Variants in CACNA1C observed in about 807,000 individuals in gnomAD.
The protein encoded by CACNA1C is voltage-dependent L-type calcium channel subunit alpha-1C.
A neutral mutation model predicts 229.0 loss-of-function variants in CACNA1C; 30 were observed. The observed-to-expected ratio is 0.13, with a 90% CI of 0.10 to 0.18. CACNA1C has a LOEUF of 0.18. Among genes scored for constraint, CACNA1C ranks in the 10% least tolerant of loss-of-function variants. The pLI, the probability that CACNA1C is intolerant of heterozygous loss-of-function variation, is 1.00. For synonymous variants in CACNA1C, 1,114 were observed against 1,132.5 expected, an observed-to-expected ratio of 0.98 and a Z score of 0.33; for missense variants, 1,658 against 2,845.0, an observed-to-expected ratio of 0.58 and a Z score of 9.49.
chr12:2,364,713 G>A (rs186287116), intron 3 of CACNA1C, among the ~76,000 whole-genome samples: 1 of 152,264 alleles, frequency 6.6e-6, no homozygotes, highest in East Asian at 1.9e-4. Flanking sequence ...GTTAGTTGGG[G>A]TGAGGAAATC....
intron 29 of CACNA1C, among the ~76,000 whole-genome samples, chr12:2,621,384 C>T (rs2083152136): frequency 6.6e-6 from 1 of 152,084 alleles, no homozygotes; most frequent in Non-Finnish European, 1.5e-5. Context: ...AGCAAAGACC[C>T]CGAGGCAGGG....
chr12:2,398,309 C>T (rs1234655102), intron 3 of CACNA1C, among the ~76,000 whole-genome samples: 1 of 152,238 alleles, frequency 6.6e-6, no homozygotes, highest in Non-Finnish European at 1.5e-5. Context: ...TTGTATTGAG[C>T]TTTACCTCGT....
rs149306532 is a variant in CACNA1C at position 2,211,623 on chromosome 12, G to A, written c.477+91193G>A. Among the ~76,000 whole-genome samples, 2 of 152,196 alleles carry A rather than the reference G, an allele frequency of 1.3e-5. 1 individual carries two copies. The highest frequency in any genetic ancestry group is 4.8e-5 in the African/African-American group (2 of 41,526). ...TCATGCAGGTTTGGCCTTGCTTGGA[G>A]GTTAGGGCTTGGGGGGACATGAGCA... On this transcript the variant is annotated intron_variant, in intron 3 of 46. Transcript: ENST00000399655.
At chr12:2,074,013 C>T (rs550808868) in intron 1 of CACNA1C, among the ~76,000 whole-genome samples, 8 of 152,066 alleles carry the variant, frequency 5.3e-5, no homozygotes, top group South Asian at 2.1e-4. Flanking sequence ...TGAAGGTAAG[C>T]GGCACCACTG....
At chr12:2,309,047 T>C (rs921624216) in intron 3 of CACNA1C, among the ~76,000 whole-genome samples, 3 of 152,226 alleles carry the variant, frequency 2.0e-5, no homozygotes, top group African/African-American at 7.2e-5. Flanking sequence ...CACCCCCATG[T>C]TCATTGCAGC....
intron 9 of CACNA1C, among the ~76,000 whole-genome samples, chr12:2,546,103 G>A (rs1311455872): frequency 2.1e-5 from 3 of 139,936 alleles, no homozygotes; most frequent in Non-Finnish European, 3.1e-5. Context: ...GTGTCTTCCT[G>A]CTCTCCCATG....
rs1220113170 is a variant in CACNA1C at position 2,339,118 on chromosome 12, TAC to T, written c.478-109854_478-109853del. On this transcript the variant is annotated intron_variant, in intron 3 of 46. Coordinates refer to ENST00000399655, the MANE Select transcript of CACNA1C (RefSeq NM_000719.7). ...ATATGTGAACATCATAGAGTGAATA[TAC>T]ACAAACCTGGATGGTTGAGCCTGCT... 2.6e-5 allele frequency among the ~76,000 whole-genome samples: 4 copies of T among 152,378 alleles called. No individual in the cohort carries two copies. In the East Asian group the frequency reaches 7.7e-4, roughly 29 times the overall value.
intron 1 of CACNA1C, among the ~76,000 whole-genome samples, chr12:2,017,321 T>C (rs973768022): frequency 6.6e-6 from 1 of 152,222 alleles, no homozygotes; most frequent in Non-Finnish European, 1.5e-5. Flanking sequence ...TGAAATTTAA[T>C]TGTGGCCTCG....
chr12:2,671,635 G>A (rs919094258), intron 38 of CACNA1C, among the ~76,000 whole-genome samples: 6 of 152,184 alleles, frequency 3.9e-5, no homozygotes, highest in Admixed American at 6.5e-5. Context: ...CAGCAGGGTC[G>A]AAGGTTCACT....
chr12:2,641,740 G>A (rs1307328082), intron 30 of CACNA1C: 2 of 702,454 alleles, frequency 2.8e-6, no homozygotes, highest in African/African-American at 1.7e-5. Context: ...CCTGCAGGTG[G>A]AATGTTTATT....
intron 3 of CACNA1C, among the ~76,000 whole-genome samples, chr12:2,446,982 T>C (rs1170659623): frequency 6.6e-6 from 1 of 152,178 alleles, no homozygotes; most frequent in Non-Finnish European, 1.5e-5. Context: ...CCCTTTCCTG[T>C]GCTTTCTTTC....
In CACNA1C at chr12:2,653,536, C is replaced by T. The variant is rs569603632; in HGVS notation, c.4075-299C>T. On this transcript the variant is annotated intron_variant, in intron 32 of 46. Coordinates refer to ENST00000399655, the MANE Select transcript of CACNA1C (RefSeq NM_000719.7). This position sits in a 1 kb window ranked among gnomAD's most constrained non-coding sequence, Gnocchi z 4.7. The stretch of plus-strand genomic sequence containing the variant: ...TTTCTCCTGCCTCGTACAGACACAC[C>T]GCACATGTGTAGTCGGAGGAGGTTT... 7.9e-5 allele frequency among the ~76,000 whole-genome samples: 12 copies of T among 152,274 alleles called. No individual in the cohort carries two copies. The highest frequency in any genetic ancestry group is 2.2e-4 in the African/African-American group (9 of 41,540).
chr12:2,352,240 C>T lies in CACNA1C; in HGVS notation c.478-96736C>T, dbSNP rs183567574. On this transcript the variant is annotated intron_variant, in intron 3 of 46. Transcript: ENST00000399655. ...GACTTGAAGACATTACTTTCTTCTC[C>T]CACTCTCCTGCTCATTTGACGAGGT... is the stretch of plus-strand genomic sequence containing the variant. Among the ~76,000 whole-genome samples, 20 of 152,260 alleles carry T rather than the reference C, an allele frequency of 1.3e-4. No homozygotes were observed. The East Asian group carries it at 2.7e-3, about 21-fold the overall frequency.
At chr12:2,380,044 A>AAAAAAAAAAAAAAAAAAAAT (rs1328861436) in intron 3 of CACNA1C, among the ~76,000 whole-genome samples, 82 of 148,082 alleles carry the variant, frequency 5.5e-4, no homozygotes, top group Non-Finnish European at 1.1e-3. Flanking sequence ...AAAAAAAAAA[A>AAAAAAAAAAAAAAAAAAAAT]GACATAATAT....
At chr12:2,336,792 C>T (rs546051811) in intron 3 of CACNA1C, among the ~76,000 whole-genome samples, 5 of 152,140 alleles carry the variant, frequency 3.3e-5, no homozygotes, top group African/African-American at 9.6e-5. Flanking sequence ...GTGGCTTCAG[C>T]CTTCAGAATT....
chr12:2,572,696 TCTC>T (rs1255039002), intron 13 of CACNA1C, among the ~76,000 whole-genome samples: 4 of 42,290 alleles, frequency 9.5e-5, no homozygotes, highest in Non-Finnish European at 1.5e-4. Flanking sequence ...TCTTCCTCCT[TCTC>T]CTCTTCCTCC....
chr12:2,352,834 C>T (rs1315194572), intron 3 of CACNA1C, among the ~76,000 whole-genome samples: 1 of 152,096 alleles, frequency 6.6e-6, no homozygotes, highest in Non-Finnish European at 1.5e-5. Flanking sequence ...CTGAAAAGGC[C>T]CCTTTGACCT....
chr12:1,987,618 A>C (rs144910201), intron 1 of CACNA1C, among the ~76,000 whole-genome samples: 173 of 152,236 alleles, frequency 1.1e-3, no homozygotes, highest in African/African-American at 4.1e-3. Context: ...TATGGTATTT[A>C]AATCCCTTTC....
rs186153728 is a variant in CACNA1C, at chr12:2,663,864, C to T, written c.4233-961C>T. Among the ~76,000 whole-genome samples, 1,101 of 150,470 alleles carry T rather than the reference C, an allele frequency of 7.3e-3. 10 individuals are homozygous for T. The highest frequency in any genetic ancestry group is 0.025 in the African/African-American group (1,015 of 40,778). ...TCACGCCATTCTCCTGCCTCAGCTTCCCAAGTAGCTGGGACTACAGGCGCC... is the reference window on the plus strand; with the variant it reads ...TCACGCCATTCTCCTGCCTCAGCTTTCCAAGTAGCTGGGACTACAGGCGCC... On this transcript the variant is annotated intron_variant, in intron 34 of 46. Coordinates refer to ENST00000399655, the MANE Select transcript of CACNA1C (RefSeq NM_000719.7).
Sources: allele counts gnomAD v4.1 joint callset (sites outside exome capture counted in the v4.1 genomes callset), GRCh38; gene constraint gnomAD v4.1.1; non-coding constraint Gnocchi (gnomAD v3.1); transcripts MANE v1.5; gene names NCBI Gene and HGNC (gene_info 2026-07-23, HGNC 2026-07-21).